FMN1: variants seen among roughly 807,000 people sequenced by gnomAD.
FMN1 encodes the protein formin-1.
In FMN1, 110 loss-of-function variants were observed where a neutral mutation model predicts 132.4. The ratio of observed to expected loss-of-function variants is 0.83; its 90% CI spans 0.71 to 0.97. FMN1 has a LOEUF of 0.97. Ranked by LOEUF, FMN1 falls within the 50% of genes least tolerant of loss-of-function variation. The pLI is 0.00. For synonymous variants in FMN1, 722 were observed against 651.7 expected, an observed-to-expected ratio of 1.11 and a Z score of -1.64; for missense variants, 1,792 against 1,705.3, an observed-to-expected ratio of 1.05 and a Z score of -0.90.
chr15:33,014,100 G>T (rs759825270), intron 6 of FMN1, among the ~76,000 whole-genome samples: 1 of 152,208 alleles, frequency 6.6e-6, no homozygotes, highest in East Asian at 1.9e-4. Flanking sequence ...AAGGATGACA[G>T]AATCCCTGGG....
At chr15:33,162,964 A>G (rs1336026656) in intron 3 of FMN1, among the ~76,000 whole-genome samples, 1 of 152,144 alleles carries the variant, frequency 6.6e-6, no homozygotes, top group Non-Finnish European at 1.5e-5. Flanking sequence ...TAAAAATACA[A>G]AAACTAGCTT....
intron 6 of FMN1, among the ~76,000 whole-genome samples, chr15:33,019,016 G>C (rs1457342487): frequency 1.3e-5 from 2 of 152,192 alleles, no homozygotes; most frequent in African/African-American, 4.8e-5. Flanking sequence ...AAAGAACAAA[G>C]CTTCCACCAT....
At chr15:33,141,615 T>C (rs1595559065) in intron 4 of FMN1, among the ~76,000 whole-genome samples, 1 of 152,134 alleles carries the variant, frequency 6.6e-6, no homozygotes. Flanking sequence ...GTAGGGAGCA[T>C]GGAGACTGGG....
chr15:32,800,880 G>GC (rs1205579054), intron 18 of FMN1, among the ~76,000 whole-genome samples: 1 of 152,108 alleles, frequency 6.6e-6, no homozygotes, highest in Non-Finnish European at 1.5e-5. Context: ...CACATAACAT[G>GC]CATTACCCCA....
chr15:33,010,692 AC>A (rs1290202912), intron 6 of FMN1, among the ~76,000 whole-genome samples: 2 of 152,158 alleles, frequency 1.3e-5, no homozygotes, highest in Non-Finnish European at 2.9e-5. Context: ...AAAAGATCCA[AC>A]TGATAAAATA....
chr15:32,966,773 C>G (rs2031277989), intron 8 of FMN1, among the ~76,000 whole-genome samples: 1 of 152,196 alleles, frequency 6.6e-6, no homozygotes, highest in Non-Finnish European at 1.5e-5. Context: ...ATTATATAAA[C>G]TACTTAATCC....
Position 33,153,580 on chromosome 15 carries a change from CG to C in FMN1, c.1334del (p.Thr445ArgfsTer34). 1 of 1,536,252 alleles carries C rather than the reference CG, an allele frequency of 6.5e-7. No individual in the cohort carries two copies. The highest frequency in any genetic ancestry group is 8.7e-7 in the Non-Finnish European group (1 of 1,146,938). ...TTTCTGGGCGAGTGTGAGGGACACT[CG>C]TGTGGACAGGGAAGCCCAGTCTTTT... is the stretch of plus-strand genomic sequence containing the variant. ...EGKRLGFPVH[T>X]SVPHTRPETR... On this transcript the variant is annotated frameshift_variant, in exon 4 of 21. Transcript: ENST00000616417. LOFTEE classifies it high-confidence loss of function.
At chr15:33,007,947 CT>C in intron 7 of FMN1, 66 bp downstream of exon 7, 1 of 1,355,516 alleles carries the variant, frequency 7.4e-7, no homozygotes, top group South Asian at 1.3e-5. Context: ...GGAATATTTA[CT>C]TCAGCATAGG....
chr15:33,066,778 T>C (rs1410548931), intron 5 of FMN1: 1 of 1,613,984 alleles, frequency 6.2e-7, no homozygotes, highest in Non-Finnish European at 8.5e-7. Flanking sequence ...AGCCCATCTC[T>C]TCTCTCCTGG....
At chr15:33,091,970 T>C (rs942442198) in intron 4 of FMN1, among the ~76,000 whole-genome samples, 22 of 152,348 alleles carry the variant, frequency 1.4e-4, no homozygotes, top group African/African-American at 5.1e-4. Flanking sequence ...TTCCTTTTCA[T>C]GTGCATACTA....
intron 5 of FMN1, chr15:33,066,919 C>T (rs2037758065): frequency 1.2e-6 from 2 of 1,613,832 alleles, no homozygotes; most frequent in Admixed American, 1.7e-5. Flanking sequence ...CTGTCTGCAG[C>T]CCTGCCTGCA....
chr15:33,030,751 A>T lies in FMN1; in HGVS notation c.2162-22676T>A, dbSNP rs142248535. ...CCATTGTAAAACACATCCTAATTTC[A>T]GGTGTAGAAAATGTGTATTATACAT... On this transcript the variant is annotated intron_variant, in intron 6 of 20. Transcript: ENST00000616417. 3.0e-3 allele frequency among the ~76,000 whole-genome samples: 457 copies of T among 152,338 alleles called. 6 individuals carry two copies. Among genetic ancestry groups the T allele is most frequent in the African/African-American group, 0.01 (426 of 41,578 alleles).
chr15:33,051,201 G>A (rs375453475), intron 6 of FMN1, among the ~76,000 whole-genome samples: 12 of 152,212 alleles, frequency 7.9e-5, no homozygotes, highest in African/African-American at 2.6e-4. Context: ...ATGTTCCTTG[G>A]ATTTTTTACA....
At chr15:32,831,440 T>C (rs2058498941) in intron 17 of FMN1, among the ~76,000 whole-genome samples, 1 of 152,104 alleles carries the variant, frequency 6.6e-6, no homozygotes, top group African/African-American at 2.4e-5. Context: ...CAGGTGGGGC[T>C]TGATGGCAGT....
intron 9 of FMN1, among the ~76,000 whole-genome samples, chr15:32,932,635 C>T (rs2061150092): frequency 6.6e-6 from 1 of 152,100 alleles, no homozygotes; most frequent in Non-Finnish European, 1.5e-5. Context: ...TGGTTCTGGG[C>T]TTTTCTCTGG....
At chr15:33,181,764 A>C (rs1433257296) in intron 2 of FMN1, among the ~76,000 whole-genome samples, 1 of 139,324 alleles carries the variant, frequency 7.2e-6, no homozygotes, top group African/African-American at 2.7e-5. Flanking sequence ...GCTGGAGTGC[A>C]ATGGCGTGAT....
chr15:32,960,995 C>CAAAAAAAAAAAAAAAAAAAAAAAAAAAA (rs539245532), intron 9 of FMN1, among the ~76,000 whole-genome samples: 1 of 59,094 alleles, frequency 1.7e-5, no homozygotes, highest in East Asian at 6.6e-4. Flanking sequence ...GACTCCGTCT[C>CAAAAAAAAAAAAAAAAAAAAAAAAAAAA]AAAAAAAAAA....
intron 7 of FMN1, among the ~76,000 whole-genome samples, chr15:32,991,034 G>A (rs1373836356): frequency 1.3e-5 from 2 of 152,148 alleles, no homozygotes; most frequent in Admixed American, 1.3e-4. Context: ...AACGAGAAAA[G>A]AGCAGAAGCA....
intron 9 of FMN1, among the ~76,000 whole-genome samples, chr15:32,961,630 T>C (rs2030566239): frequency 6.6e-6 from 1 of 152,090 alleles, no homozygotes; most frequent in Admixed American, 6.5e-5. Flanking sequence ...GTAGTAACAG[T>C]AGCAAAAACA....
Sources: allele counts gnomAD v4.1 joint callset (sites outside exome capture counted in the v4.1 genomes callset), GRCh38; gene constraint gnomAD v4.1.1; transcripts MANE v1.5; gene names NCBI Gene and HGNC (gene_info 2026-07-23, HGNC 2026-07-21).